The following SLIT3 variants were observed in gnomAD, a reference collection of about 807,000 sequenced individuals.
SLIT3 encodes slit guidance ligand 3.
Under a neutral mutation model 184.0 loss-of-function variants are expected in SLIT3, and 68 were observed. The ratio of observed to expected loss-of-function variants is 0.37; its 90% CI spans 0.30 to 0.45. The LOEUF (loss-of-function observed/expected upper bound fraction) is 0.45. Ranked by LOEUF, SLIT3 falls within the 20% of genes least tolerant of loss-of-function variation. The pLI, the probability that SLIT3 is intolerant of heterozygous loss-of-function variation, is 1.00. For missense variants in SLIT3, 1,707 were observed against 2,026.0 expected (o/e 0.84, Z 3.02); for synonymous variants, 831 against 828.6 (o/e 1.00, Z -0.05).
At chr5:168,676,774 C>T (rs1264666778) in intron 32 of SLIT3, among the ~76,000 whole-genome samples, 1 of 152,226 alleles carries the variant, frequency 6.6e-6, no homozygotes, top group African/African-American at 2.4e-5. Flanking sequence ...GAGACTGCAG[C>T]TCAGGCACTC....
At chr5:168,873,778 C>T (rs1407162162) in intron 5 of SLIT3, among the ~76,000 whole-genome samples, 2 of 152,072 alleles carry the variant, frequency 1.3e-5, no homozygotes, top group Non-Finnish European at 2.9e-5. Context: ...CCTGCCCAAG[C>T]TCACATAGGT....
Position 168,783,246 on chromosome 5 carries a change from G to T in SLIT3, c.1151+2661C>A, listed in dbSNP as rs140791547. ...ATCATGCTTAGGACAGCTGGGGCTT[G>T]TTCCTTGTGGATGCACTTGCCGCAG... On this transcript the variant is annotated intron_variant, in intron 12 of 35. Coordinates refer to ENST00000519560, the MANE Select transcript of SLIT3 (RefSeq NM_003062.4). 4.7e-3 allele frequency among the ~76,000 whole-genome samples: 705 copies of T among 149,916 alleles called. 5 individuals carry two copies. The highest frequency in any genetic ancestry group is 0.017 in the African/African-American group (665 of 40,020).
rs117398240 is a variant in SLIT3 at position 169,133,262 on chromosome 5, C to T, written c.413+60217G>A. On this transcript the variant is annotated intron_variant, in intron 4 of 35. Coordinates refer to ENST00000519560, the MANE Select transcript of SLIT3 (RefSeq NM_003062.4). Reference sequence around the variant, plus strand: ...CTGTGGGCACGGCCCAGGCACAAGCCTGCTTCACTTTACAGTGTTTGTCAA... The same window carrying T: ...CTGTGGGCACGGCCCAGGCACAAGCTTGCTTCACTTTACAGTGTTTGTCAA... Among the ~76,000 whole-genome samples, 202 of 152,356 alleles carry T rather than the reference C, an allele frequency of 1.3e-3. 4 individuals are homozygous for T. In the East Asian group the frequency reaches 0.034, roughly 25 times the overall value.
At chr5:169,131,612 C>T in intron 4 of SLIT3, among the ~76,000 whole-genome samples, 1 of 152,174 alleles carries the variant, frequency 6.6e-6, no homozygotes, top group Non-Finnish European at 1.5e-5. Context: ...TACGATCATG[C>T]ACCAACTTAG....
intron 4 of SLIT3, among the ~76,000 whole-genome samples, chr5:169,070,596 A>G (rs1758509305): frequency 6.6e-6 from 1 of 152,176 alleles, no homozygotes; most frequent in African/African-American, 2.4e-5. Context: ...TCCATCAGGA[A>G]GTATTTCAAC....
intron 15 of SLIT3, 25 bp downstream of exon 15, chr5:168,762,514 G>C (rs774092354): frequency 6.2e-7 from 1 of 1,608,282 alleles, no homozygotes; most frequent in Non-Finnish European, 8.5e-7. Flanking sequence ...GAGGAGTAGG[G>C]AGTTCACGCC....
At chr5:169,027,386 G>T (rs546919504) in intron 4 of SLIT3, among the ~76,000 whole-genome samples, 1 of 149,264 alleles carries the variant, frequency 6.7e-6, no homozygotes, top group Non-Finnish European at 1.5e-5. Context: ...TTCCTCTAGC[G>T]TAAGTGTTTA....
chr5:168,907,948 A>C (rs377432126), intron 4 of SLIT3, among the ~76,000 whole-genome samples: 2 of 46,764 alleles, frequency 4.3e-5, no homozygotes, highest in Non-Finnish European at 7.5e-5. Flanking sequence ...ATACGTGTAT[A>C]TATATATATA....
intron 5 of SLIT3, among the ~76,000 whole-genome samples, chr5:168,847,964 G>A (rs1443574278): frequency 6.6e-6 from 1 of 152,184 alleles, no homozygotes; most frequent in African/African-American, 2.4e-5. Context: ...TCACTCGGGA[G>A]GCATCTGCAA....
In SLIT3 at chr5:169,138,298, G is replaced by A. The variant is rs149310378; in HGVS notation, c.413+55181C>T. Among the ~76,000 whole-genome samples, 418 of 152,306 alleles carry A rather than the reference G, an allele frequency of 2.7e-3. 3 individuals are homozygous for A. The highest frequency in any genetic ancestry group is 4.4e-3 in the Non-Finnish European group (298 of 68,028). On this transcript the variant is annotated intron_variant, in intron 4 of 35. Coordinates refer to ENST00000519560, the MANE Select transcript of SLIT3 (RefSeq NM_003062.4). ...TGTGACCTACAGCCAATGACTGGTG[G>A]ACGGAAAAGAGCGGAAGCCCTGCCC...
intron 2 of SLIT3, among the ~76,000 whole-genome samples, chr5:169,246,416 C>T (rs1765592054): frequency 6.6e-6 from 1 of 152,200 alleles, no homozygotes; most frequent in Non-Finnish European, 1.5e-5. Context: ...AACTCCCAGT[C>T]TGGTGAGCAT....
chr5:168,714,357 C>T (rs1762651616), intron 23 of SLIT3, among the ~76,000 whole-genome samples: 1 of 152,202 alleles, frequency 6.6e-6, no homozygotes, highest in Non-Finnish European at 1.5e-5. Flanking sequence ...AACTTTAAAA[C>T]ACCGAAGGAC....
At position 168,806,413 on chromosome 5, in the gene SLIT3, C is replaced by G. The variant is rs780800525; in HGVS notation, c.935+33G>C. ...GACAGGGAGCTGAATTCTCCGGCGA[C>G]AGTTGTTGGGGGTGTCAGACAGGTG... On this transcript the variant is annotated intron_variant, in intron 9 of 35. Coordinates refer to ENST00000519560, the MANE Select transcript of SLIT3 (RefSeq NM_003062.4). 3.1e-6 allele frequency: 5 copies of G among 1,613,042 alleles called. No individual in the cohort carries two copies. In the South Asian group the frequency reaches 5.5e-5, roughly 18 times the overall value.
intron 4 of SLIT3, among the ~76,000 whole-genome samples, chr5:169,058,717 A>G (rs534113154): frequency 1.3e-5 from 2 of 152,282 alleles, no homozygotes; most frequent in Admixed American, 1.3e-4. Flanking sequence ...TATGGATTGC[A>G]TTCATTTCTA....
chr5:168,932,974 C>T (rs1430829471), intron 4 of SLIT3, among the ~76,000 whole-genome samples: 2 of 152,168 alleles, frequency 1.3e-5, no homozygotes, highest in Non-Finnish European at 2.9e-5. Flanking sequence ...ACTGAGCTTT[C>T]CACATGAATA....
intron 4 of SLIT3, among the ~76,000 whole-genome samples, chr5:169,123,408 A>G (rs541346171): frequency 1.3e-4 from 20 of 152,302 alleles, no homozygotes; most frequent in African/African-American, 4.6e-4. Context: ...TGAAGCCCAC[A>G]ATAAACCAGC....
rs1761428511 is a variant in SLIT3, at chr5:168,916,177, A to AAATC, written c.414-32842_414-32841insGATT. Among the ~76,000 whole-genome samples the AAATC allele has an allele frequency of 2.0e-5, 3 of 152,230 alleles. No individual in the cohort carries two copies. The South Asian group carries it at 6.2e-4, about 32-fold the overall frequency. ...CAATTGTTAAATCTAAGTGATGGGCATATGTGGAGCCCACATTTGAGTGAT... is the reference window on the plus strand; with the variant it reads ...CAATTGTTAAATCTAAGTGATGGGCAAATCTATGTGGAGCCCACATTTGAGTGAT... On this transcript the variant is annotated intron_variant, in intron 4 of 35. Coordinates refer to ENST00000519560, the MANE Select transcript of SLIT3 (RefSeq NM_003062.4).
chr5:169,300,449 G>A lies in SLIT3; in HGVS notation c.197+64C>T. 2 of 1,387,098 alleles carry A rather than the reference G, an allele frequency of 1.4e-6. No individual in the cohort carries two copies. The highest frequency in any genetic ancestry group is 1.9e-6 in the Non-Finnish European group (2 of 1,072,684). 85.9% of individuals were successfully genotyped at this position (1,387,098 alleles called of 1,614,324 possible). On this transcript the variant is annotated intron_variant, in intron 1 of 35. Transcript: ENST00000519560. The surrounding 1 kb of genome is among the most constrained non-coding windows in gnomAD (Gnocchi z 4.1). ...GCCGAGGGGAAAGGACGGATCTGGC[G>A]CCTGGGGCCCCCTCGGTGGGACCCA...
In SLIT3 at chr5:168,685,699, G is replaced by T; in HGVS notation, c.3543C>A (p.Asn1181Lys). ...GGGCGGGACACACCTGCAGGGAGAT[G>T]TTGGCCTGGGGTCGGACCTTGGCGG... ...LASAKVRPQA[N>K]ISLQVATDKD... Residue 1181 changes from asparagine (N) to lysine (K), a missense_variant, in exon 31 of 36, where the codon AAC (asparagine) becomes AAA (lysine). Physicochemically the swap from Asn to Lys is moderately conservative, Grantham distance 94 (BLOSUM62 0). This residue lies in a region of SLIT3 where 387 missense variants were observed against 477.9 expected (regional missense o/e 0.81). Coordinates refer to ENST00000519560, the MANE Select transcript of SLIT3 (RefSeq NM_003062.4). The T allele has an allele frequency of 1.3e-6, 2 of 1,559,472 alleles. No individual in the cohort carries two copies. Among genetic ancestry groups the T allele is most frequent in the Non-Finnish European group, 1.7e-6 (2 of 1,148,126 alleles).
Sources: gnomAD v4.1 joint callset for allele counts (sites outside exome capture counted in the v4.1 genomes callset) on GRCh38, gnomAD v4.1.1 for gene constraint, gnomAD v4.1.1 regional missense constraint, Gnocchi (gnomAD v3.1) non-coding constraint, MANE v1.5 for transcripts, NCBI Gene and HGNC (gene_info 2026-07-23, HGNC 2026-07-21) for gene names.